Variants in SKAP2 observed in about 807,000 individuals in gnomAD.
SKAP2 encodes src kinase-associated phosphoprotein 2.
A neutral mutation model predicts 54.9 loss-of-function variants in SKAP2; 28 were observed. That is an observed-to-expected ratio of 0.51 (90% CI 0.38 to 0.70). The LOEUF is 0.70. Ranked by LOEUF, SKAP2 falls within the 30% of genes least tolerant of loss-of-function variation. The pLI is 0.00. For synonymous variants in SKAP2, 137 were observed against 134.3 expected (o/e 1.02, Z -0.14); for missense variants, 356 against 424.1 (o/e 0.84, Z 1.41).
intron 6 of SKAP2, among the ~76,000 whole-genome samples, chr7:26,730,518 C>T (rs1037947124): frequency 6.6e-6 from 1 of 151,994 alleles, no homozygotes; most frequent in Non-Finnish European, 1.5e-5. Flanking sequence ...ACATTTTTTT[C>T]TTAACATAGT....
intron 4 of SKAP2, among the ~76,000 whole-genome samples, chr7:26,746,956 G>A (rs954301821): frequency 6.6e-6 from 1 of 152,124 alleles, no homozygotes; most frequent in African/African-American, 2.4e-5. Flanking sequence ...GAATATGTAT[G>A]AGAGAAATAA....
chr7:26,827,556 A>G (rs181937282), intron 4 of SKAP2, among the ~76,000 whole-genome samples: 265 of 152,320 alleles, frequency 1.7e-3, no homozygotes, highest in African/African-American at 5.9e-3. Context: ...AGAGAAAGAT[A>G]TAGGAATTCA....
rs1217746103 is a variant in SKAP2 at position 26,854,818 on chromosome 7, G to T, written c.140C>A (p.Ser47Tyr). The change falls in exon 2 of 13, where the codon TCC (serine) becomes TAC (tyrosine). Residue 47 changes from serine to tyrosine, a missense_variant. Transcript: ENST00000345317. ...LSKKAKEKRE[S>Y]LIKKIKDVKS... ...TACATCTTTTATCTTCTTAATAAGGGATTCTCTCTTTTCCTTTGCTTTCTT... is the reference window on the plus strand; with the variant it reads ...TACATCTTTTATCTTCTTAATAAGGTATTCTCTCTTTTCCTTTGCTTTCTT... 6.2e-7 allele frequency: 1 copy of T among 1,601,858 alleles called. No individual in the cohort carries two copies. The highest frequency in any genetic ancestry group is 1.3e-5 in the African/African-American group (1 of 74,804).
intron 9 of SKAP2, among the ~76,000 whole-genome samples, chr7:26,694,709 C>T (rs1342143525): frequency 6.6e-6 from 1 of 151,214 alleles, no homozygotes; most frequent in Non-Finnish European, 1.5e-5. Context: ...AGATATTTGG[C>T]CTTCTCTCTG....
intron 9 of SKAP2, among the ~76,000 whole-genome samples, chr7:26,708,234 C>G (rs758818464): frequency 4.6e-4 from 70 of 152,184 alleles, no homozygotes; most frequent in Non-Finnish European, 8.2e-4. Flanking sequence ...GGTCCCATCT[C>G]TTTGCTTTCA....
At chr7:26,757,589 G>A (rs939938196) in intron 4 of SKAP2, among the ~76,000 whole-genome samples, 20 of 152,298 alleles carry the variant, frequency 1.3e-4, no homozygotes, top group African/African-American at 4.8e-4. Context: ...TTGTAGTATA[G>A]TTTGAAGTCA....
chr7:26,780,958 T>C (rs3801850), intron 4 of SKAP2, among the ~76,000 whole-genome samples: 32,427 of 152,136 alleles, frequency 0.21, 3,551 homozygotes, highest in Non-Finnish European at 0.24. Context: ...ATTAAGGATA[T>C]GTTTATAAAT....
At chr7:26,863,873 C>T (rs1240737546) in intron 1 of SKAP2, among the ~76,000 whole-genome samples, 1 of 152,124 alleles carries the variant, frequency 6.6e-6, no homozygotes, top group Non-Finnish European at 1.5e-5. Flanking sequence ...AACTCTTTCA[C>T]CCCATAACCC....
At chr7:26,678,572 C>G (rs529897505) in intron 11 of SKAP2, among the ~76,000 whole-genome samples, 1 of 151,704 alleles carries the variant, frequency 6.6e-6, no homozygotes, top group African/African-American at 2.4e-5. Flanking sequence ...TCCCAAGTAG[C>G]TGGGACTACA....
At chr7:26,719,561 C>T (rs765483481) in intron 9 of SKAP2, among the ~76,000 whole-genome samples, 3 of 152,170 alleles carry the variant, frequency 2.0e-5, no homozygotes, top group Admixed American at 6.5e-5. Flanking sequence ...AAGAACAACC[C>T]TATCAGAATA....
At chr7:26,750,075 A>G (rs1369876311) in intron 4 of SKAP2, among the ~76,000 whole-genome samples, 1 of 151,990 alleles carries the variant, frequency 6.6e-6, no homozygotes. Flanking sequence ...TGGAGCAAGG[A>G]CCTTAAGTCT....
At chr7:26,753,124 T>G (rs1318545907) in intron 4 of SKAP2, among the ~76,000 whole-genome samples, 2 of 152,316 alleles carry the variant, frequency 1.3e-5, no homozygotes, top group African/African-American at 4.8e-5. Context: ...TGCTTAATCC[T>G]TTTTCTGATA....
chr7:26,832,813 A>C (rs950914538), intron 4 of SKAP2, among the ~76,000 whole-genome samples: 1 of 152,146 alleles, frequency 6.6e-6, no homozygotes, highest in Non-Finnish European at 1.5e-5. Context: ...ACCAAGGAGA[A>C]TAAGTGCTAG....
chr7:26,690,022 G>A (rs1172418293), intron 10 of SKAP2, among the ~76,000 whole-genome samples: 1 of 152,128 alleles, frequency 6.6e-6, no homozygotes, highest in African/African-American at 2.4e-5. Flanking sequence ...TCTCCTTTGT[G>A]CAGAAATGAA....
At chr7:26,828,142 C>G (rs1314551172) in intron 4 of SKAP2, among the ~76,000 whole-genome samples, 1 of 152,032 alleles carries the variant, frequency 6.6e-6, no homozygotes, top group Non-Finnish European at 1.5e-5. Flanking sequence ...CCCCGGAGAA[C>G]CCAGAAAGTC....
chr7:26,739,468 C>A (rs1195232170), intron 5 of SKAP2, among the ~76,000 whole-genome samples: 1 of 152,182 alleles, frequency 6.6e-6, no homozygotes, highest in African/African-American at 2.4e-5. Context: ...GAGAGGAACA[C>A]TGAAATGAAT....
At chr7:26,809,373 A>T (rs1225449104) in intron 4 of SKAP2, among the ~76,000 whole-genome samples, 1 of 152,022 alleles carries the variant, frequency 6.6e-6, no homozygotes, top group Non-Finnish European at 1.5e-5. Context: ...AGATCGCACC[A>T]TTGCACTCCA....
At chr7:26,677,017 T>C (rs1209905587) in intron 11 of SKAP2, among the ~76,000 whole-genome samples, 2 of 152,218 alleles carry the variant, frequency 1.3e-5, no homozygotes, top group Non-Finnish European at 2.9e-5. Flanking sequence ...AAAAGTGGTG[T>C]AAGCTGCTGT....
intron 3 of SKAP2, among the ~76,000 whole-genome samples, chr7:26,848,235 T>A (rs1410349692): frequency 6.6e-6 from 1 of 152,148 alleles, no homozygotes; most frequent in Non-Finnish European, 1.5e-5. Context: ...TTTACCCAAT[T>A]TGTTGCTTGT....
Sources: gnomAD v4.1 joint callset for allele counts (sites outside exome capture counted in the v4.1 genomes callset) on GRCh38, gnomAD v4.1.1 for gene constraint, MANE v1.5 for transcripts, NCBI Gene and HGNC (gene_info 2026-07-23, HGNC 2026-07-21) for gene names.